Variants in DENND1B observed in about 807,000 individuals in gnomAD.
DENND1B encodes DENN domain containing 1B, also known as DENN domain-containing protein 1B.
A neutral mutation model predicts 90.1 loss-of-function variants in DENND1B; 59 were observed. The observed-to-expected ratio is 0.65, with a 90% CI of 0.53 to 0.81. DENND1B has a LOEUF of 0.81. DENND1B is among the 40% of genes least tolerant of loss of function. DENND1B has a pLI of 0.00. For synonymous variants in DENND1B, 337 were observed against 324.6 expected (o/e 1.04, Z -0.41); for missense variants, 862 against 912.6 (o/e 0.94, Z 0.71).
chr1:197,720,127 C>A (rs1661021066), intron 2 of DENND1B, among the ~76,000 whole-genome samples: 2 of 152,098 alleles, frequency 1.3e-5, no homozygotes, highest in African/African-American at 4.8e-5. Context: ...TATATAAATA[C>A]CTTTTTTGAC....
At chr1:197,744,082 G>T (rs1663472271) in intron 2 of DENND1B, among the ~76,000 whole-genome samples, 1 of 152,204 alleles carries the variant, frequency 6.6e-6, no homozygotes, top group Non-Finnish European at 1.5e-5. Flanking sequence ...CACCACATCT[G>T]TGTTACTTAC....
At chr1:197,718,779 G>A (rs1447083735) in intron 2 of DENND1B, among the ~76,000 whole-genome samples, 4 of 152,040 alleles carry the variant, frequency 2.6e-5, no homozygotes, top group Non-Finnish European at 5.9e-5. Context: ...CATCTTGAAG[G>A]TTAAAAGAAA....
intron 3 of DENND1B, among the ~76,000 whole-genome samples, chr1:197,697,175 T>C (rs1379778594): frequency 6.6e-6 from 1 of 151,116 alleles, no homozygotes; most frequent in African/African-American, 2.4e-5. Flanking sequence ...ATTTGCTGAA[T>C]ATCTTCCACA....
intron 2 of DENND1B, among the ~76,000 whole-genome samples, chr1:197,745,220 C>T (rs942470789): frequency 1.3e-5 from 2 of 152,240 alleles, no homozygotes; most frequent in Non-Finnish European, 2.9e-5. Flanking sequence ...TTTCCCTTTG[C>T]ATTCACAACC....
At chr1:197,763,973 T>C (rs1655403498) in intron 2 of DENND1B, among the ~76,000 whole-genome samples, 2 of 152,266 alleles carry the variant, frequency 1.3e-5, no homozygotes, top group Admixed American at 1.3e-4. Flanking sequence ...GAGGGCTGAA[T>C]ACTTTCTATG....
intron 3 of DENND1B, among the ~76,000 whole-genome samples, chr1:197,696,084 A>T (rs1348401420): frequency 1.3e-5 from 2 of 151,354 alleles, no homozygotes; most frequent in Non-Finnish European, 3.0e-5. Flanking sequence ...TTCAATAATG[A>T]CCCATTAGTC....
chr1:197,536,134 G>A (rs1261836208), intron 20 of DENND1B, among the ~76,000 whole-genome samples: 3 of 133,830 alleles, frequency 2.2e-5, no homozygotes, highest in African/African-American at 8.2e-5. Flanking sequence ...GGGAGAGAGA[G>A]AGATTGAGAG....
intron 3 of DENND1B, among the ~76,000 whole-genome samples, chr1:197,698,030 G>A (rs1478054821): frequency 6.6e-6 from 1 of 152,020 alleles, no homozygotes; most frequent in Non-Finnish European, 1.5e-5. Flanking sequence ...AATTAACAAG[G>A]ATGTTCAGGA....
intron 15 of DENND1B, among the ~76,000 whole-genome samples, chr1:197,576,378 C>G (rs1673688913): frequency 6.6e-6 from 1 of 152,168 alleles, no homozygotes; most frequent in Non-Finnish European, 1.5e-5. Flanking sequence ...AACCAGGATA[C>G]AAATCCGGAT....
chr1:197,662,361 A>G (rs1165041779), intron 5 of DENND1B, among the ~76,000 whole-genome samples: 1 of 152,052 alleles, frequency 6.6e-6, no homozygotes, highest in Non-Finnish European at 1.5e-5. Flanking sequence ...TACATTGGAT[A>G]CTTATATGTA....
chr1:197,694,574 C>A (rs1198156632), intron 3 of DENND1B, among the ~76,000 whole-genome samples: 5 of 151,372 alleles, frequency 3.3e-5, no homozygotes, highest in African/African-American at 1.2e-4. Flanking sequence ...AAAATAATTT[C>A]TCCACTCTAT....
rs1667795509 is a variant in DENND1B at position 197,507,762 on chromosome 1, A to G, written c.*2698T>C. On this transcript the variant is annotated 3_prime_UTR_variant, in exon 23 of 23. Coordinates refer to ENST00000620048, the MANE Select transcript of DENND1B (RefSeq NM_001195215.2). ...CTTTCCTTTATTTCGGAACTCACCC[A>G]GTTTAATTTCATTCTCACTATAACC... 1 of 151,642 alleles carries G rather than the reference A, an allele frequency of 6.6e-6. No homozygotes were observed. The highest frequency in any genetic ancestry group is 1.5e-5 in the Non-Finnish European group (1 of 67,718). 9.4% of individuals were successfully genotyped at this position (151,642 alleles called of 1,614,324 possible).
chr1:197,561,868 C>T lies in DENND1B; in HGVS notation c.1150-8756G>A, dbSNP rs540168523. The stretch of plus-strand genomic sequence containing the variant: ...CTATTGGCTTTATTTATAAAATAAA[C>T]CCATATTCTGACCAAATCTCATCAT... On this transcript the variant is annotated intron_variant, in intron 15 of 22. Coordinates refer to ENST00000620048, the MANE Select transcript of DENND1B (RefSeq NM_001195215.2). Among the ~76,000 whole-genome samples, 26 of 151,930 alleles carry T rather than the reference C, an allele frequency of 1.7e-4. 1 individual carries two copies. Among genetic ancestry groups the T allele is most frequent in the African/African-American group, 6.3e-4 (26 of 41,498 alleles).
chr1:197,636,649 G>A (rs367550444), intron 10 of DENND1B, among the ~76,000 whole-genome samples: 32 of 152,190 alleles, frequency 2.1e-4, no homozygotes, highest in Admixed American at 1.2e-3. Flanking sequence ...GGTAAGTAGC[G>A]CAAAGCATGC....
intron 2 of DENND1B, among the ~76,000 whole-genome samples, chr1:197,732,841 T>C (rs978816957): frequency 2.6e-5 from 4 of 152,202 alleles, no homozygotes; most frequent in Non-Finnish European, 4.4e-5. Flanking sequence ...ACAATGCCAA[T>C]ATAAGATCAG....
At chr1:197,645,176 C>T (rs1199995245) in intron 9 of DENND1B, among the ~76,000 whole-genome samples, 2 of 151,906 alleles carry the variant, frequency 1.3e-5, no homozygotes, top group African/African-American at 2.4e-5. Context: ...AGCCATCAAA[C>T]CTTGCAAGAT....
At chr1:197,660,960 A>G (rs900756328) in intron 5 of DENND1B, among the ~76,000 whole-genome samples, 9 of 152,098 alleles carry the variant, frequency 5.9e-5, no homozygotes, top group African/African-American at 2.2e-4. Flanking sequence ...CCTCGAGAGC[A>G]ACCAGCCCAG....
chr1:197,655,871 TAGTG>T (rs1653766586), intron 6 of DENND1B, among the ~76,000 whole-genome samples: 2 of 152,168 alleles, frequency 1.3e-5, no homozygotes, highest in East Asian at 3.9e-4. Context: ...CAGTAACAAT[TAGTG>T]AGTGGTCTGT....
chr1:197,716,925 T>C (rs1335047868), intron 2 of DENND1B, among the ~76,000 whole-genome samples: 1 of 152,010 alleles, frequency 6.6e-6, no homozygotes, highest in East Asian at 1.9e-4. Flanking sequence ...TTTTGCTGCC[T>C]GACTTTTCCT....
Sources: allele counts gnomAD v4.1 joint callset (sites outside exome capture counted in the v4.1 genomes callset), GRCh38; gene constraint gnomAD v4.1.1; transcripts MANE v1.5; gene names NCBI Gene and HGNC (gene_info 2026-07-23, HGNC 2026-07-21).